DCP2: variants seen among roughly 807,000 people sequenced by gnomAD.
The protein encoded by DCP2 is decapping mRNA 2.
In DCP2, 30 loss-of-function variants were observed where a neutral mutation model predicts 56.1. The observed-to-expected ratio is 0.53, with a 90% CI of 0.40 to 0.73. DCP2 has a LOEUF of 0.73. Among genes scored for constraint, DCP2 ranks in the 30% least tolerant of loss-of-function variants. DCP2 has a pLI of 0.00. For synonymous variants in DCP2, 197 were observed against 163.3 expected (o/e 1.21, Z -1.57); for missense variants, 533 against 502.7 (o/e 1.06, Z -0.58).
At chr5:113,004,210 C>T (rs979895712) in intron 8 of DCP2, 133 bp downstream of exon 8, 3 of 1,042,782 alleles carry the variant, frequency 2.9e-6, no homozygotes, top group East Asian at 2.6e-5. Context: ...ATGTTCCTTA[C>T]TTATGATTTG....
intron 1 of DCP2, among the ~76,000 whole-genome samples, chr5:112,981,165 T>C (rs988994935): frequency 6.6e-6 from 1 of 152,128 alleles, no homozygotes; most frequent in Non-Finnish European, 1.5e-5. Flanking sequence ...TGTACCACCA[T>C]GCCCAGGTAT....
intron 1 of DCP2, among the ~76,000 whole-genome samples, chr5:112,978,954 C>A (rs1018846736): frequency 4.6e-5 from 7 of 152,074 alleles, no homozygotes. Flanking sequence ...AGTCTTCCTT[C>A]TAGTATTGGG....
intron 1 of DCP2, among the ~76,000 whole-genome samples, chr5:112,982,631 C>T (rs144321937): frequency 1.8e-4 from 27 of 152,238 alleles, no homozygotes; most frequent in Non-Finnish European, 3.7e-4. Context: ...CCACTGCTTC[C>T]GTTGGTTATA....
chr5:113,000,420 A>ACACACACACCCACACC (rs112449298), intron 4 of DCP2, among the ~76,000 whole-genome samples: 11 of 146,652 alleles, frequency 7.5e-5, no homozygotes, highest in Non-Finnish European at 1.5e-4. Context: ...ACACACACAC[A>ACACACACACCCACACC]CACACCCACA....
intron 4 of DCP2, among the ~76,000 whole-genome samples, chr5:113,000,119 T>C (rs1424245185): frequency 6.7e-6 from 1 of 149,518 alleles, no homozygotes. Flanking sequence ...CATGCCAGGC[T>C]AATTTTTATC....
chr5:113,008,548 G>A (rs868501691), intron 9 of DCP2, among the ~76,000 whole-genome samples: 12 of 152,048 alleles, frequency 7.9e-5, no homozygotes, highest in East Asian at 1.9e-4. Context: ...AGTCTCCTGC[G>A]TTATCTTTTC....
At chr5:113,008,525 A>T (rs983315451) in intron 9 of DCP2, among the ~76,000 whole-genome samples, 2 of 152,218 alleles carry the variant, frequency 1.3e-5, no homozygotes, top group African/African-American at 4.8e-5. Flanking sequence ...CCAAAAGTTA[A>T]TTCATAACTC....
At position 113,001,627 on chromosome 5, in the gene DCP2, TTCC is replaced by T. The variant is rs1749183520; in HGVS notation, c.762_764del (p.Ser255del). The T allele has an allele frequency of 6.2e-7, 1 of 1,614,084 alleles. No homozygotes were observed. Among genetic ancestry groups the T allele is most frequent in the African/African-American group, 1.3e-5 (1 of 74,928 alleles). On this transcript the variant is annotated inframe_deletion, in exon 7 of 11. Coordinates refer to ENST00000389063, the MANE Select transcript of DCP2 (RefSeq NM_152624.6). ...ATTCCTCAGACAGTGACAATGGATTTTCCTCAACTGGTAGCACGCCGGCTAAAC... is the reference window on the plus strand; with the variant it reads ...ATTCCTCAGACAGTGACAATGGATTTTCAACTGGTAGCACGCCGGCTAAAC...
In DCP2 at chr5:113,021,403, AAC is replaced by A. The variant is rs1491121522; in HGVS notation, c.*7920_*7921del. Among the ~76,000 whole-genome samples the A allele has an allele frequency of 1.9e-4, 28 of 148,370 alleles. No homozygotes were observed. The highest frequency in any genetic ancestry group is 3.9e-4 in the East Asian group (2 of 5,118). ...AAAACAACCAAAAAAAAAAAAAAAA[AAC>A]CCCCAGGAAGAAATATTGTCGAGAG... On this transcript the variant is annotated 3_prime_UTR_variant, in exon 11 of 11. Transcript: ENST00000389063.
intron 1 of DCP2, among the ~76,000 whole-genome samples, chr5:112,980,442 G>C (rs561688027): frequency 1.8e-4 from 28 of 152,134 alleles, no homozygotes; most frequent in African/African-American, 6.5e-4. Context: ...TGCAATCCTT[G>C]TGCTAATGTC....
chr5:113,003,127 C>G (rs1347183776), intron 7 of DCP2, among the ~76,000 whole-genome samples: 1 of 146,788 alleles, frequency 6.8e-6, no homozygotes, highest in Non-Finnish European at 1.5e-5. Context: ...GCCCTGATGT[C>G]TTTCAGAATC....
intron 4 of DCP2, among the ~76,000 whole-genome samples, chr5:112,994,952 C>T (rs764179909): frequency 6.6e-6 from 1 of 152,072 alleles, no homozygotes; most frequent in African/African-American, 2.4e-5. Context: ...AATTCATTGC[C>T]TTGTGTATGT....
chr5:112,983,653 C>G (rs1247755374), intron 1 of DCP2, among the ~76,000 whole-genome samples: 1 of 151,854 alleles, frequency 6.6e-6, no homozygotes, highest in Admixed American at 6.5e-5. Context: ...CAAAATTTCA[C>G]AACACTGGGG....
rs1158109959 is a variant in DCP2, at chr5:113,014,217, G to A, written c.*733G>A. On this transcript the variant is annotated 3_prime_UTR_variant, in exon 11 of 11. Transcript: ENST00000389063. Reference sequence around the variant, plus strand: ...GAGGAAATGTAGCAGACAGCATGGAGGCTGGGACCCAGCAGCTACTTTGGG... The same window carrying A: ...GAGGAAATGTAGCAGACAGCATGGAAGCTGGGACCCAGCAGCTACTTTGGG... 1.3e-5 allele frequency: 2 copies of A among 152,242 alleles called. No homozygotes were observed. Among genetic ancestry groups the A allele is most frequent in the Non-Finnish European group, 2.9e-5 (2 of 68,054 alleles). The allele number at this position is 152,242 out of a possible 1,614,324, so 9.4% of individuals were successfully genotyped here. A position where few individuals can be genotyped will look rare whatever the true frequency, so the allele number is the denominator to read the frequency against.
At chr5:112,991,490 C>T (rs80136865) in intron 2 of DCP2, among the ~76,000 whole-genome samples, 2,610 of 152,192 alleles carry the variant, frequency 0.017, 27 homozygotes, top group Non-Finnish European at 0.026. Context: ...TTCCTTAATA[C>T]CTGATTTGCC....
intron 4 of DCP2, among the ~76,000 whole-genome samples, chr5:112,995,303 C>CT (rs1357597239): frequency 6.6e-6 from 1 of 152,160 alleles, no homozygotes; most frequent in African/African-American, 2.4e-5. Flanking sequence ...GCTTTTCTTT[C>CT]TGTAGATGGT....
intron 4 of DCP2, among the ~76,000 whole-genome samples, chr5:112,999,958 G>T (rs536278159): frequency 6.6e-6 from 1 of 151,110 alleles, no homozygotes; most frequent in African/African-American, 2.4e-5. Flanking sequence ...CTGCTCAGGA[G>T]GCTGAGGCAG....
Position 112,984,703 on chromosome 5 carries a change from A to AAAAATATATAT in DCP2, c.54-1131_54-1130insAAATATATATA. On this transcript the variant is annotated intron_variant, in intron 1 of 10. Transcript: ENST00000389063. ...TTCTTAATTAAAAAAAAAAAAAAAA[A>AAAAATATATAT]ATATATATATATATATATATATTTG... 36 of 64,856 alleles carry AAAAATATATAT rather than the reference A, an allele frequency of 5.6e-4. 1 individual carries two copies. Among genetic ancestry groups the AAAAATATATAT allele is most frequent in the African/African-American group, 2.6e-3 (33 of 12,654 alleles). 4.0% of individuals were successfully genotyped at this position (64,856 alleles called of 1,614,324 possible).
Position 112,976,866 on chromosome 5 carries a change from T to TAGTGCCGTACCGTCAGTCCC in DCP2, c.-67_-48dup, listed in dbSNP as rs771089774. 1 of 1,538,338 alleles carries TAGTGCCGTACCGTCAGTCCC rather than the reference T, an allele frequency of 6.5e-7. No individual in the cohort carries two copies. The highest frequency in any genetic ancestry group is 9.0e-7 in the Non-Finnish European group (1 of 1,111,058). On this transcript the variant is annotated 5_prime_UTR_variant, in exon 1 of 11. Transcript: ENST00000389063. ...CCAGCTCTCCGGCGAGCCGGAGTCC[T>TAGTGCCGTACCGTCAGTCCC]AGTGCCGTACCGTCAGTCCCCGGCC... is the stretch of plus-strand genomic sequence containing the variant.
Sources: gnomAD v4.1 joint callset for allele counts (sites outside exome capture counted in the v4.1 genomes callset) on GRCh38, gnomAD v4.1.1 for gene constraint, MANE v1.5 for transcripts, NCBI Gene and HGNC (gene_info 2026-07-23, HGNC 2026-07-21) for gene names.